The following ARL2BP variants were observed in gnomAD, a reference collection of about 807,000 sequenced individuals.
ARL2BP encodes ARF like GTPase 2 binding protein, also known as ADP-ribosylation factor-like protein 2-binding protein.
ARL2BP carries 19 observed loss-of-function variants against 24.2 expected under a neutral mutation model. The observed-to-expected ratio is 0.79, with a 90% confidence interval of 0.55 to 1.15. The LOEUF is 1.15. Ranked by LOEUF, ARL2BP falls within the 50% of genes most tolerant of loss-of-function variation. ARL2BP has a pLI of 0.00. For synonymous variants in ARL2BP, 56 were observed against 70.5 expected (o/e 0.79, Z 1.03); for missense variants, 160 against 190.4 (o/e 0.84, Z 0.94).
At chr16:57,245,486 G>A (rs2075387203) in intron 1 of ARL2BP, 81 bp downstream of exon 1, 1 of 1,547,032 alleles carries the variant, frequency 6.5e-7, no homozygotes. Context: ...CTATAAAACA[G>A]GTGTCCTTAG....
At position 57,245,345 on chromosome 16, in the gene ARL2BP, G is replaced by A; in HGVS notation, c.-23G>A. On this transcript the variant is annotated 5_prime_UTR_variant, in exon 1 of 6. Transcript: ENST00000219204. The stretch of plus-strand genomic sequence containing the variant: ...TGCGAGTTGGGCCGCGGGCGGGGTT[G>A]GAGCCTACTCGGGGCGACTGCGATG... 1.2e-6 allele frequency: 2 copies of A among 1,602,392 alleles called. No individual in the cohort carries two copies. The highest frequency in any genetic ancestry group is 2.3e-5 in the South Asian group (2 of 88,602).
In ARL2BP at chr16:57,246,159, T is replaced by C. The variant is rs750070601; in HGVS notation, c.100+18T>C. The C allele has an allele frequency of 1.2e-6, 2 of 1,608,086 alleles. No individual in the cohort carries two copies. Among genetic ancestry groups the C allele is most frequent in the African/African-American group, 1.3e-5 (1 of 74,856 alleles). On this transcript the variant is annotated intron_variant, in intron 2 of 5. Coordinates refer to ENST00000219204, the MANE Select transcript of ARL2BP (RefSeq NM_012106.4). ...TATCATGGGTAAGCTTTTAAGATAC[T>C]GTTTTTAAGGACTTGCTTGTTTCTT...
At chr16:57,245,617 G>T (rs1467031526) in intron 1 of ARL2BP, among the ~76,000 whole-genome samples, 2 of 152,142 alleles carry the variant, frequency 1.3e-5, no homozygotes, top group Non-Finnish European at 2.9e-5. Context: ...AGGAGTGCGA[G>T]GCGGGTGTCA....
At chr16:57,246,246 C>A in intron 2 of ARL2BP, 105 bp downstream of exon 2, 3 of 1,131,272 alleles carry the variant, frequency 2.7e-6, no homozygotes, top group Non-Finnish European at 3.9e-6. Flanking sequence ...AAGCTGCCTG[C>A]AATTTTTAAT....
At chr16:57,246,915 G>A (rs1327600839) in intron 2 of ARL2BP, among the ~76,000 whole-genome samples, 1 of 152,226 alleles carries the variant, frequency 6.6e-6, no homozygotes, top group Non-Finnish European at 1.5e-5. Context: ...TAGGTTTTGA[G>A]TTCCTACTTG....
intron 2 of ARL2BP, among the ~76,000 whole-genome samples, chr16:57,247,808 G>A (rs1290889860): frequency 6.6e-6 from 1 of 152,100 alleles, no homozygotes; most frequent in African/African-American, 2.4e-5. Context: ...CAACTGCTGT[G>A]GAAGTTATAT....
Position 57,252,363 on chromosome 16 carries a change from C to T in ARL2BP, c.*96C>T, listed in dbSNP as rs1309265297. 16 of 1,601,226 alleles carry T rather than the reference C, an allele frequency of 1.0e-5. No individual in the cohort carries two copies. The highest frequency in any genetic ancestry group is 1.4e-5 in the Non-Finnish European group (16 of 1,174,726). On this transcript the variant is annotated 3_prime_UTR_variant, in exon 6 of 6. Coordinates refer to ENST00000219204, the MANE Select transcript of ARL2BP (RefSeq NM_012106.4). ...AGAACACATCTTGGAAAGACTGACTCTGTTATGTAACTCTTCATTTATGTT... is the reference window on the plus strand; with the variant it reads ...AGAACACATCTTGGAAAGACTGACTTTGTTATGTAACTCTTCATTTATGTT...
intron 2 of ARL2BP, among the ~76,000 whole-genome samples, chr16:57,246,711 G>C (rs1461280576): frequency 6.6e-6 from 1 of 152,188 alleles, no homozygotes; most frequent in Non-Finnish European, 1.5e-5. Context: ...GGCTGAGGCA[G>C]GAAAATGGCG....
chr16:57,252,063 G>A, intron 5 of ARL2BP, 103 bp from the exon 6 acceptor site: 1 of 894,114 alleles, frequency 1.1e-6, no homozygotes, highest in South Asian at 1.5e-5. Context: ...TATGTACTCT[G>A]GAGGTCCACG....
At chr16:57,247,988 TA>T (rs548356739) in intron 2 of ARL2BP, among the ~76,000 whole-genome samples, 1,641 of 151,162 alleles carry the variant, frequency 0.011, 34 homozygotes, top group African/African-American at 0.037. Context: ...ATTAAAATGA[TA>T]AAAAAAAATT....
At chr16:57,245,464 CG>C in intron 1 of ARL2BP, 59 bp downstream of exon 1, 1 of 1,578,800 alleles carries the variant, frequency 6.3e-7, no homozygotes, top group Non-Finnish European at 8.6e-7. Flanking sequence ...GCGTTCGCCC[CG>C]GGGCCTGACC....
chr16:57,250,208 TG>T, intron 4 of ARL2BP: 1 of 606,374 alleles, frequency 1.6e-6, no homozygotes, highest in South Asian at 2.0e-5. Context: ...GAGAATCCCT[TG>T]AGCCCAGCAG....
chr16:57,248,733 T>G, intron 3 of ARL2BP, 90 bp downstream of exon 3: 2 of 675,234 alleles, frequency 3.0e-6, no homozygotes, highest in Non-Finnish European at 4.9e-6. Context: ...TGCTGCCTTT[T>G]AAAATATGCC....
intron 1 of ARL2BP, chr16:57,245,684 A>T: frequency 1.8e-6 from 1 of 546,696 alleles, no homozygotes; most frequent in Non-Finnish European, 3.2e-6. Context: ...CTGTCAGCAA[A>T]GCCTGGAGGG....
chr16:57,245,960 G>C, intron 1 of ARL2BP, 120 bp from the exon 2 acceptor site: 1 of 888,318 alleles, frequency 1.1e-6, no homozygotes. Flanking sequence ...TTGAAGATGG[G>C]TGATGGGAAG....
intron 2 of ARL2BP, 51 bp downstream of exon 2, chr16:57,246,192 A>T: frequency 6.6e-7 from 1 of 1,524,582 alleles, no homozygotes; most frequent in Non-Finnish European, 9.0e-7. Context: ...CTTTAAGGAC[A>T]TTGAAATCAA....
chr16:57,250,656 T>G, intron 5 of ARL2BP, 149 bp downstream of exon 5: 2 of 657,422 alleles, frequency 3.0e-6, no homozygotes, highest in Non-Finnish European at 5.4e-6. Flanking sequence ...GCTATTCTGT[T>G]GTGGCTGGGA....
In ARL2BP at chr16:57,245,383, G is replaced by A; in HGVS notation, c.16G>A (p.Gly6Arg). Residue 6 changes from glycine (G) to arginine (R), a missense_variant, in exon 1 of 6, where the codon GGA (glycine) becomes AGA (arginine). Physicochemically the swap from Gly to Arg is moderately radical, Grantham distance 125. Coordinates refer to ENST00000219204, the MANE Select transcript of ARL2BP (RefSeq NM_012106.4). ...GGCGACTGCGATGGACGCCTTAGAA[G>A]GAGAGAGCTTTGCGCTGTCTTTGTG... MDALEGESFALSFSSA... is the reference protein window; with the variant it reads MDALERESFALSFSSA... The A allele has an allele frequency of 6.2e-7, 1 of 1,607,686 alleles. No individual in the cohort carries two copies.
In ARL2BP at chr16:57,246,028, A is replaced by AT. The variant is rs552593136; in HGVS notation, c.39-45dup. 5.0e-6 allele frequency: 8 copies of AT among 1,585,308 alleles called. No homozygotes were observed. In the East Asian group the frequency reaches 1.3e-4, roughly 27 times the overall value. ...GTTTGAAAACGTCCATACTAAAAAC[A>AT]TTTTTTTAATGCATTATTTGAAATA... On this transcript the variant is annotated intron_variant, in intron 1 of 5. Coordinates refer to ENST00000219204, the MANE Select transcript of ARL2BP (RefSeq NM_012106.4).
Sources: allele counts gnomAD v4.1 joint callset (sites outside exome capture counted in the v4.1 genomes callset), GRCh38; gene constraint gnomAD v4.1.1; transcripts MANE v1.5; gene names NCBI Gene and HGNC (gene_info 2026-07-23, HGNC 2026-07-21).